Variants in PLAC8 observed in about 807,000 individuals in gnomAD.
PLAC8 encodes placenta-specific gene 8 protein.
Under a neutral mutation model 12.6 loss-of-function variants are expected in PLAC8, and 6 were observed. That is an observed-to-expected ratio of 0.48 (90% CI 0.26 to 0.94). The LOEUF (loss-of-function observed/expected upper bound fraction) is 0.94, where lower values mean the gene tolerates loss of function less well. Ranked by LOEUF, PLAC8 falls within the 40% of genes least tolerant of loss-of-function variation. PLAC8 has a pLI of 0.14. For missense variants in PLAC8, 122 were observed against 152.7 expected (o/e 0.80, Z 1.06); for synonymous variants, 54 against 52.6 (o/e 1.03, Z -0.11).
intron 3 of PLAC8, among the ~76,000 whole-genome samples, chr4:83,097,489 G>A (rs537320375): frequency 6.6e-6 from 1 of 152,226 alleles, no homozygotes; most frequent in East Asian, 1.9e-4. Flanking sequence ...AATGCTTTAA[G>A]GTCAAGCTGT....
In PLAC8 at chr4:83,107,904, C is replaced by A. The variant is rs1427527876; in HGVS notation, c.18G>T (p.Pro6=). Residue 6 remains proline (P), a synonymous_variant, in exon 2 of 5, where the codon CCG becomes CCT. Transcript: ENST00000311507. The part of the protein sequence containing the change: MQAQA[P]VVVVTQPGVG... ...CTCCAGGTTGGGTCACAACGACCAC[C>A]GGCGCCTGAGCTTGCATTTTCAGTG... 1.3e-6 allele frequency: 2 copies of A among 1,545,948 alleles called. No individual in the cohort carries two copies. The highest frequency in any genetic ancestry group is 1.8e-6 in the Non-Finnish European group (2 of 1,142,450).
At position 83,090,373 on chromosome 4, in the gene PLAC8, C is replaced by T. The variant is rs1334263737; in HGVS notation, c.*608G>A. On this transcript the variant is annotated 3_prime_UTR_variant, in exon 5 of 5. Transcript: ENST00000311507. ...TGAAACCCCGTCTCTACTAAAAATA[C>T]AAAAATTAGCTGGGCATGGTGGCGG... 1.3e-5 allele frequency: 2 copies of T among 151,512 alleles called. No homozygotes were observed. Among genetic ancestry groups the T allele is most frequent in the Non-Finnish European group, 2.9e-5 (2 of 67,916 alleles). 9.4% of individuals were successfully genotyped at this position (151,512 alleles called of 1,614,324 possible). A position where few individuals can be genotyped will look rare whatever the true frequency, so the allele number is the denominator to read the frequency against.
intron 4 of PLAC8, chr4:83,093,984 T>A (rs1731867121): frequency 6.6e-6 from 1 of 152,236 alleles, no homozygotes; most frequent in South Asian, 2.1e-4. Context: ...GGAAGGAAAC[T>A]GGATATTACA....
chr4:83,098,651 G>T (rs1393657858), intron 3 of PLAC8, among the ~76,000 whole-genome samples: 1 of 152,146 alleles, frequency 6.6e-6, no homozygotes, highest in Non-Finnish European at 1.5e-5. Flanking sequence ...AAGGAGGACA[G>T]AAAGAAGAGA....
At chr4:83,113,224 G>C (rs146672659) in intron 1 of PLAC8, among the ~76,000 whole-genome samples, 2 of 152,260 alleles carry the variant, frequency 1.3e-5, no homozygotes, top group African/African-American at 4.8e-5. Context: ...TCACAGACAC[G>C]GCTTGGTGAG....
In PLAC8 at chr4:83,090,851, T is replaced by G. The variant is rs902184538; in HGVS notation, c.*130A>C. 1 of 152,168 alleles carries G rather than the reference T, an allele frequency of 6.6e-6. No individual in the cohort carries two copies. Among genetic ancestry groups the G allele is most frequent in the African/African-American group, 2.4e-5 (1 of 41,444 alleles). The allele number at this position is 152,168 out of a possible 1,614,324, so 9.4% of individuals were successfully genotyped here. On this transcript the variant is annotated 3_prime_UTR_variant, in exon 5 of 5. Coordinates refer to ENST00000311507, the MANE Select transcript of PLAC8 (RefSeq NM_016619.3). ...ATTTATAATAAATCAAAAATTTGAT[T>G]TTTTTCATGCCATCAGTTGTACTTA...
chr4:83,109,708 T>A (rs1167956705), intron 1 of PLAC8: 2 of 89,546 alleles, frequency 2.2e-5, no homozygotes, highest in African/African-American at 8.5e-5. Context: ...AGGCGGGGAG[T>A]GGGTGGGTGG....
At chr4:83,101,618 T>C (rs1415511417) in intron 3 of PLAC8, among the ~76,000 whole-genome samples, 1 of 152,192 alleles carries the variant, frequency 6.6e-6, no homozygotes, top group Non-Finnish European at 1.5e-5. Flanking sequence ...AACAGCCTTA[T>C]TGGAAGAAGA....
intron 4 of PLAC8, 82 bp downstream of exon 4, chr4:83,094,596 A>G: frequency 1.3e-6 from 1 of 747,954 alleles, no homozygotes; most frequent in Non-Finnish European, 2.3e-6. Context: ...TGAATTATTC[A>G]AAACAACAAA....
At chr4:83,091,062 G>A (rs1023613268) in intron 4 of PLAC8, 91 bp from the exon 5 acceptor site, 4 of 151,972 alleles carry the variant, frequency 2.6e-5, no homozygotes, top group South Asian at 2.1e-4. Flanking sequence ...TTTGATTGAC[G>A]GAAAAGTTGC....
Position 83,104,918 on chromosome 4 carries a change from TAG to T in PLAC8, c.219_220del (p.Tyr74GlnfsTer12). ...CACAGGGATGCCATATCGGGTCCTG[TAG>T]AGAGTCCTCATTGCGACGCTTGTTC... On this transcript the variant is annotated frameshift_variant, in exon 3 of 5. Transcript: ENST00000311507. LOFTEE classifies it high-confidence loss of function. 1 of 1,614,090 alleles carries T rather than the reference TAG, an allele frequency of 6.2e-7. No individual in the cohort carries two copies. The highest frequency in any genetic ancestry group is 8.5e-7 in the Non-Finnish European group (1 of 1,179,970).
At chr4:83,105,343 A>G (rs947508321) in intron 2 of PLAC8, among the ~76,000 whole-genome samples, 6 of 152,246 alleles carry the variant, frequency 3.9e-5, no homozygotes, top group Admixed American at 2.6e-4. Flanking sequence ...GCTCAAGTCT[A>G]GTAGTGAAGG....
intron 3 of PLAC8, among the ~76,000 whole-genome samples, chr4:83,102,037 G>A (rs1732112954): frequency 6.6e-6 from 1 of 151,872 alleles, no homozygotes. Context: ...AGAGATTAAT[G>A]TTATTTTCAT....
chr4:83,100,972 G>A (rs1310213455), intron 3 of PLAC8, among the ~76,000 whole-genome samples: 1 of 152,190 alleles, frequency 6.6e-6, no homozygotes, highest in East Asian at 1.9e-4. Context: ...TCTGGAGAAA[G>A]TTTGAGTGGT....
chr4:83,110,501 G>A (rs1456173841), intron 1 of PLAC8, among the ~76,000 whole-genome samples: 1 of 152,202 alleles, frequency 6.6e-6, no homozygotes, highest in African/African-American at 2.4e-5. Context: ...AAAGGCAGGG[G>A]ATTTTGTGGG....
intron 3 of PLAC8, among the ~76,000 whole-genome samples, chr4:83,096,601 T>G (rs902165299): frequency 6.6e-6 from 1 of 152,192 alleles, no homozygotes; most frequent in East Asian, 1.9e-4. Flanking sequence ...CTGTGTAGGC[T>G]CTTTCCTTAG....
chr4:83,095,800 T>C (rs560929433), intron 3 of PLAC8, among the ~76,000 whole-genome samples: 1 of 152,220 alleles, frequency 6.6e-6, no homozygotes, highest in South Asian at 2.1e-4. Flanking sequence ...TAAAATTAGA[T>C]GATTTTAAAA....
chr4:83,112,516 C>T (rs1260825386), intron 1 of PLAC8, among the ~76,000 whole-genome samples: 1 of 152,032 alleles, frequency 6.6e-6, no homozygotes. Flanking sequence ...GCACAGATTA[C>T]CTATATTGGT....
At chr4:83,098,080 A>G (rs1434644821) in intron 3 of PLAC8, among the ~76,000 whole-genome samples, 1 of 152,064 alleles carries the variant, frequency 6.6e-6, no homozygotes, top group Non-Finnish European at 1.5e-5. Context: ...GATTGTCCCA[A>G]TCTCCTGACC....
Sources: allele counts gnomAD v4.1 joint callset (sites outside exome capture counted in the v4.1 genomes callset), GRCh38; gene constraint gnomAD v4.1.1; transcripts MANE v1.5; gene names NCBI Gene and HGNC (gene_info 2026-07-23, HGNC 2026-07-21).